Variants in SMAD1 observed in about 807,000 individuals in gnomAD.
SMAD1 encodes MAD, mothers against decapentaplegic homolog 1.
A neutral mutation model predicts 41.6 loss-of-function variants in SMAD1; 6 were observed. That is an observed-to-expected ratio of 0.14 (90% confidence interval 0.08 to 0.28). The LOEUF is 0.28. Ranked by LOEUF, SMAD1 falls within the 10% of genes least tolerant of loss-of-function variation. SMAD1 has a pLI of 1.00. For missense variants in SMAD1, 379 were observed against 582.6 expected, an observed-to-expected ratio of 0.65 and a Z score of 3.60; for synonymous variants, 206 against 203.2, an observed-to-expected ratio of 1.01 and a Z score of -0.12.
intron 1 of SMAD1, among the ~76,000 whole-genome samples, chr4:145,507,093 C>A (rs1729830633): frequency 1.3e-5 from 2 of 151,698 alleles, no homozygotes; most frequent in South Asian, 4.1e-4. Context: ...TTTTGCTTCT[C>A]AAACCAGATC....
At chr4:145,484,787 C>T (rs1382670383) in intron 1 of SMAD1, 5 of 152,118 alleles carry the variant, frequency 3.3e-5, no homozygotes, top group African/African-American at 1.2e-4. Context: ...TTAACTTGGC[C>T]TTAGGGACCT....
intron 2 of SMAD1, among the ~76,000 whole-genome samples, chr4:145,528,442 A>G (rs1043834217): frequency 3.9e-5 from 6 of 151,950 alleles, no homozygotes; most frequent in African/African-American, 1.5e-4. Flanking sequence ...GGGTTTCACT[A>G]TGTTGCCCAG....
At chr4:145,523,421 C>T (rs1043071569) in intron 2 of SMAD1, among the ~76,000 whole-genome samples, 3 of 152,070 alleles carry the variant, frequency 2.0e-5, no homozygotes, top group South Asian at 4.2e-4. Flanking sequence ...GGACTTAAAT[C>T]AGTTTACAGG....
intron 2 of SMAD1, among the ~76,000 whole-genome samples, chr4:145,527,059 T>C (rs1578793266): frequency 1.3e-5 from 2 of 152,162 alleles, no homozygotes; most frequent in Non-Finnish European, 2.9e-5. Flanking sequence ...GTATCTTTCT[T>C]AGAATAGAAA....
chr4:145,551,487 A>C (rs1732555060), intron 5 of SMAD1, among the ~76,000 whole-genome samples: 1 of 152,244 alleles, frequency 6.6e-6, no homozygotes, highest in Non-Finnish European at 1.5e-5. Context: ...TAGGTTAAAA[A>C]TATGTCACAA....
At chr4:145,546,678 T>G in intron 4 of SMAD1, 25 bp from the exon 5 acceptor site, 17 of 1,561,380 alleles carry the variant, frequency 1.1e-5, no homozygotes, top group Non-Finnish European at 1.4e-5. Flanking sequence ...TAACCTTGGT[T>G]GATATAACAT....
chr4:145,516,237 T>C (rs191765441), intron 2 of SMAD1, among the ~76,000 whole-genome samples: 170 of 152,290 alleles, frequency 1.1e-3, no homozygotes, highest in African/African-American at 3.9e-3. Flanking sequence ...TCCATGACAA[T>C]ATGTAATATT....
intron 1 of SMAD1, among the ~76,000 whole-genome samples, chr4:145,492,314 A>T (rs180876576): frequency 3.3e-5 from 5 of 152,360 alleles, no homozygotes; most frequent in Non-Finnish European, 5.9e-5. Context: ...GGCTTCTGGA[A>T]CTTCTGGCTG....
intron 5 of SMAD1, among the ~76,000 whole-genome samples, chr4:145,553,217 TATTTTTAAAAC>T (rs1379052205): frequency 6.6e-6 from 1 of 151,910 alleles, no homozygotes; most frequent in Non-Finnish European, 1.5e-5. Flanking sequence ...GGCCTATTAC[TATTTTTAAAAC>T]ATTTTGTTAT....
intron 2 of SMAD1, among the ~76,000 whole-genome samples, chr4:145,521,135 T>G (rs963922654): frequency 6.6e-6 from 1 of 152,220 alleles, no homozygotes; most frequent in African/African-American, 2.4e-5. Flanking sequence ...ACTGTTTACT[T>G]GGACTTTTAC....
rs749074021 is a variant in SMAD1, at chr4:145,539,961, C to T, written c.558C>T (p.His186=). Residue 186 remains histidine (H), a synonymous_variant, in exon 3 of 7, where the codon CAC becomes CAT. Coordinates refer to ENST00000302085, the MANE Select transcript of SMAD1 (RefSeq NM_005900.3). ...FQQPNSHPFP[H]SPNSSYPNSP... is the part of the protein sequence containing the mutation. ...AACCCAACAGCCACCCGTTTCCTCA[C>T]TCTCCCAATAGCAGTTACCCAAACT... The T allele has an allele frequency of 2.5e-6, 4 of 1,613,986 alleles. No homozygotes were observed. Among genetic ancestry groups the T allele is most frequent in the Non-Finnish European group, 3.4e-6 (4 of 1,180,012 alleles).
At chr4:145,552,529 C>T (rs753558000) in intron 5 of SMAD1, among the ~76,000 whole-genome samples, 3 of 152,192 alleles carry the variant, frequency 2.0e-5, no homozygotes, top group Non-Finnish European at 2.9e-5. Flanking sequence ...CAATTTCCTA[C>T]ACTTTAAGCA....
intron 2 of SMAD1, among the ~76,000 whole-genome samples, chr4:145,515,959 T>G (rs1010975174): frequency 6.6e-5 from 10 of 152,222 alleles, no homozygotes; most frequent in African/African-American, 9.6e-5. Context: ...ATTACTAAAC[T>G]AGATCATGTA....
intron 2 of SMAD1, among the ~76,000 whole-genome samples, chr4:145,533,347 A>G (rs1015263795): frequency 6.6e-6 from 1 of 152,214 alleles, no homozygotes; most frequent in African/African-American, 2.4e-5. Context: ...ACAGGTACAA[A>G]TTGGGACTAT....
At position 145,539,933 on chromosome 4, in the gene SMAD1, A is replaced by G. The variant is rs745997713; in HGVS notation, c.530A>G (p.Gln177Arg). The change falls in exon 3 of 7, where the codon CAG becomes CGG. Residue 177 changes from glutamine (Q) to arginine (R), a missense_variant. Around this residue, in one of 3 missense-constraint regions of SMAD1, gnomAD observed 208 missense variants for 210.5 expected, o/e 0.99. Coordinates refer to ENST00000302085, the MANE Select transcript of SMAD1 (RefSeq NM_005900.3). ...PLNATFPDSF[Q>R]QPNSHPFPHS... ...AACGCCACTTTTCCAGATTCTTTCC[A>G]GCAACCCAACAGCCACCCGTTTCCT... 4.3e-6 allele frequency: 7 copies of G among 1,614,068 alleles called. No homozygotes were observed. In the South Asian group the frequency reaches 6.6e-5, roughly 15 times the overall value.
intron 2 of SMAD1, among the ~76,000 whole-genome samples, chr4:145,516,670 T>C (rs941922631): frequency 1.3e-5 from 2 of 152,214 alleles, no homozygotes; most frequent in African/African-American, 4.8e-5. Context: ...TGCAGTGTTC[T>C]TTTTTCTAAA....
intron 1 of SMAD1, among the ~76,000 whole-genome samples, chr4:145,507,109 A>G (rs1042038959): frequency 6.6e-6 from 1 of 151,730 alleles, no homozygotes; most frequent in African/African-American, 2.4e-5. Flanking sequence ...AGATCACACT[A>G]TAAATCCAAC....
In SMAD1 at chr4:145,517,778, G is replaced by C. The variant is rs765771757; in HGVS notation, c.400+2765G>C. On this transcript the variant is annotated intron_variant, in intron 2 of 6. Coordinates refer to ENST00000302085, the MANE Select transcript of SMAD1 (RefSeq NM_005900.3). ...AAGGTGAAAAGTTAAAACCAATACT[G>C]AGATGAATTTGTTACTCTTAATAAC... 1.2e-4 allele frequency among the ~76,000 whole-genome samples: 13 copies of C among 110,794 alleles called. 5 individuals carry two copies. Among genetic ancestry groups the C allele is most frequent in the Non-Finnish European group, 3.0e-4 (13 of 42,730 alleles). The allele number at this position is 110,794 out of a possible 152,430, so 72.7% of individuals were successfully genotyped here.
chr4:145,546,684 A>G lies in SMAD1; in HGVS notation c.776-19A>G. The stretch of plus-strand genomic sequence containing the variant: ...CTGAGGCACTAACCTTGGTTGATAT[A>G]ACATTTTCTTTCCTCTAGATGTTCA... On this transcript the variant is annotated intron_variant, in intron 4 of 6. Coordinates refer to ENST00000302085, the MANE Select transcript of SMAD1 (RefSeq NM_005900.3). 1.3e-6 allele frequency: 2 copies of G among 1,588,206 alleles called. No homozygotes were observed. Among genetic ancestry groups the G allele is most frequent in the Non-Finnish European group, 1.7e-6 (2 of 1,158,056 alleles).
Sources: gnomAD v4.1 joint callset for allele counts (sites outside exome capture counted in the v4.1 genomes callset) on GRCh38, gnomAD v4.1.1 for gene constraint, gnomAD v4.1.1 regional missense constraint, MANE v1.5 for transcripts, NCBI Gene and HGNC (gene_info 2026-07-23, HGNC 2026-07-21) for gene names.